Variants in FBH1 observed in about 807,000 individuals in gnomAD.
FBH1 encodes the protein DNA 3'-5' helicase 1.
In FBH1, 43 loss-of-function variants were observed where a neutral mutation model predicts 115.5. That is an observed-to-expected ratio of 0.37 (90% CI 0.29 to 0.48). The LOEUF is 0.48. Among genes scored for constraint, FBH1 ranks in the 20% least tolerant of loss-of-function variants. The pLI is 0.99. For missense variants in FBH1, 1,001 were observed against 1,337.3 expected, an observed-to-expected ratio of 0.75 and a Z score of 3.92; for synonymous variants, 524 against 507.8, an observed-to-expected ratio of 1.03 and a Z score of -0.43.
At chr10:5,927,396 G>A (rs1832718492) in intron 18 of FBH1, 39 bp from the exon 19 acceptor site, 1 of 1,479,648 alleles carries the variant, frequency 6.8e-7, no homozygotes, top group Non-Finnish European at 9.3e-7. Context: ...GCTTTTCTAA[G>A]GCTTTTTAGT....
At chr10:5,903,290 G>T in intron 2 of FBH1, 115 bp downstream of exon 2, 2 of 716,482 alleles carry the variant, frequency 2.8e-6, no homozygotes, top group East Asian at 3.2e-5. Flanking sequence ...TAGTCTTCAT[G>T]CAATAGCTTG....
chr10:5,890,719 C>T (rs1021479040), intron 1 of FBH1, among the ~76,000 whole-genome samples: 5 of 152,184 alleles, frequency 3.3e-5, no homozygotes, highest in Admixed American at 6.5e-5. Flanking sequence ...ACGTTTTGAC[C>T]TTGGGCAAGT....
Position 5,937,219 on chromosome 10 carries a change from A to G in FBH1, c.3071A>G (p.Glu1024Gly), listed in dbSNP as rs1164517116. 1.2e-6 allele frequency: 2 copies of G among 1,613,700 alleles called. No individual in the cohort carries two copies. The highest frequency in any genetic ancestry group is 1.3e-5 in the African/African-American group (1 of 74,940). The change falls in exon 21 of 21, where the codon GAG (glutamate) becomes GGG (glycine). Residue 1024 changes from glutamate (E) to glycine (G), a missense_variant. By Grantham distance (98) the Glu-to-Gly change is moderately conservative (BLOSUM62 -2). Around this residue, in one of 4 missense-constraint regions of FBH1, gnomAD observed 521 missense variants for 811.0 expected, o/e 0.64. Coordinates refer to ENST00000362091, the MANE Select transcript of FBH1 (RefSeq NM_178150.3). ...TASPEQVRAM[E>G]RTVENIVLPR... ...TCCCCGGAGCAGGTGCGCGCCATGG[A>G]GCGCACTGTGGAGAACATCGTACTG...
chr10:5,914,510 G>A lies in FBH1; in HGVS notation c.1396+241G>A, dbSNP rs541737074. ...GGTAGTTCACAGCAGTTAGTTGGTC[G>A]GGCAGATGCCCCCGGGATTGAGCCC... is the stretch of plus-strand genomic sequence containing the variant. On this transcript the variant is annotated intron_variant, in intron 8 of 20. Coordinates refer to ENST00000362091, the MANE Select transcript of FBH1 (RefSeq NM_178150.3). The surrounding 1 kb of genome is among the most constrained non-coding windows in gnomAD (Gnocchi z 5.2). Among the ~76,000 whole-genome samples, 4 of 152,200 alleles carry A rather than the reference G, an allele frequency of 2.6e-5. No homozygotes were observed. Among genetic ancestry groups the A allele is most frequent in the Admixed American group, 6.5e-5 (1 of 15,286 alleles).
rs1782633116 is a variant in FBH1, at chr10:5,923,888, T to C, written c.2398+192T>C. On this transcript the variant is annotated intron_variant, in intron 16 of 20. Transcript: ENST00000362091. This position sits in a 1 kb window ranked among gnomAD's most constrained non-coding sequence, Gnocchi z 5.7. ...ATAGGTACTGACAGATTTTTCCAGA[T>C]CCTCCTCACAGGAGCCTCAGTCTCT... is the stretch of plus-strand genomic sequence containing the variant. The C allele has an allele frequency of 1.7e-6, 1 of 595,874 alleles. No homozygotes were observed. 36.9% of individuals were successfully genotyped at this position (595,874 alleles called of 1,614,324 possible).
In FBH1 at chr10:5,897,370, A is replaced by AGAGGAGGTGGACACAGGGCTCCTGTG. The variant is rs1843071440; in HGVS notation, c.2-5626_2-5625insTGGAGGAGGTGGACACAGGGCTCCTG. 4.6e-5 allele frequency among the ~76,000 whole-genome samples: 7 copies of AGAGGAGGTGGACACAGGGCTCCTGTG among 152,130 alleles called. No homozygotes were observed. Among genetic ancestry groups the AGAGGAGGTGGACACAGGGCTCCTGTG allele is most frequent in the South Asian group, 2.1e-4 (1 of 4,824 alleles). On this transcript the variant is annotated intron_variant, in intron 1 of 20. Coordinates refer to ENST00000362091, the MANE Select transcript of FBH1 (RefSeq NM_178150.3). This position sits in a 1 kb window ranked among gnomAD's most constrained non-coding sequence, Gnocchi z 4.7. ...CATTAAGTGTAAAGCGTGTAATTGC[A>AGAGGAGGTGGACACAGGGCTCCTGTG]GAGGAGGTGGACACAGGGCTCCTGC...
chr10:5,913,796 A>G lies in FBH1; in HGVS notation c.1261A>G (p.Thr421Ala), dbSNP rs1831756554. ...CCTATATCTTCAGGAGAATTCCTGC[A>G]CTCAGGCCACAAAAGTTAAAGAGGA... ...YCLYLQENSC[T>A]QATKVKEEPS... Residue 421 changes from threonine (T) to alanine (A), a missense_variant, in exon 7 of 21, where the codon ACT (threonine) becomes GCT (alanine). Thr to Ala is a moderately conservative substitution (Grantham distance 58). Coordinates refer to ENST00000362091, the MANE Select transcript of FBH1 (RefSeq NM_178150.3). The surrounding 1 kb of genome is among the most constrained non-coding windows in gnomAD (Gnocchi z 4.4). 6.3e-7 allele frequency: 1 copy of G among 1,594,660 alleles called. No individual in the cohort carries two copies. Among genetic ancestry groups the G allele is most frequent in the East Asian group, 2.3e-5 (1 of 44,322 alleles).
In FBH1 at chr10:5,906,430, C is replaced by T; in HGVS notation, c.551C>T (p.Ala184Val). 1 of 1,614,188 alleles carries T rather than the reference C, an allele frequency of 6.2e-7. No individual in the cohort carries two copies. Among genetic ancestry groups the T allele is most frequent in the African/African-American group, 1.3e-5 (1 of 75,070 alleles). ...GAGTCTGGTGAAACCGACCAAGATGCTGGGGACGTGGGTCCTGATCCCATT... is the reference window on the plus strand; with the variant it reads ...GAGTCTGGTGAAACCGACCAAGATGTTGGGGACGTGGGTCCTGATCCCATT... ...SAESGETDQD[A>V]GDVGPDPIPD... Residue 184 changes from alanine to valine, a missense_variant, in exon 3 of 21, where the codon GCT becomes GTT. Physicochemically the swap from Ala to Val is moderately conservative, Grantham distance 64. Transcript: ENST00000362091. This position sits in a 1 kb window ranked among gnomAD's most constrained non-coding sequence, Gnocchi z 7.3.
In FBH1 at chr10:5,923,338, G is replaced by A. The variant is rs1355944064; in HGVS notation, c.2323-283G>A. Among the ~76,000 whole-genome samples the A allele has an allele frequency of 1.3e-5, 2 of 152,186 alleles. No homozygotes were observed. The highest frequency in any genetic ancestry group is 2.1e-4 in the South Asian group (1 of 4,822). On this transcript the variant is annotated intron_variant, in intron 15 of 20. Transcript: ENST00000362091. The surrounding 1 kb of genome is among the most constrained non-coding windows in gnomAD (Gnocchi z 5.7). ...AAAGCAGTATGCAGCTGTAGGTCTT[G>A]CCCTTTTTAAAAGCGTAGGAAGAGT...
In FBH1 at chr10:5,911,431, A is replaced by C. The variant is rs1831584109; in HGVS notation, c.1211+303A>C. Among the ~76,000 whole-genome samples, 1 of 152,132 alleles carries C rather than the reference A, an allele frequency of 6.6e-6. No individual in the cohort carries two copies. Among genetic ancestry groups the C allele is most frequent in the Non-Finnish European group, 1.5e-5 (1 of 68,024 alleles). On this transcript the variant is annotated intron_variant, in intron 6 of 20. Coordinates refer to ENST00000362091, the MANE Select transcript of FBH1 (RefSeq NM_178150.3). This position sits in a 1 kb window ranked among gnomAD's most constrained non-coding sequence, Gnocchi z 5.4. ...TCGCCAAGAGAAGCCTTTCTTATTC[A>C]CCCGTGGCCTCGCTTCCCTAGGAAA...
In FBH1 at chr10:5,937,518, A is replaced by T. The variant is rs935082843; in HGVS notation, c.*238A>T. 14 of 3,494 alleles carry T rather than the reference A, an allele frequency of 4.0e-3. No individual in the cohort carries two copies. Among genetic ancestry groups the T allele is most frequent in the Non-Finnish European group, 8.6e-3 (11 of 1,278 alleles). 0.2% of individuals were successfully genotyped at this position (3,494 alleles called of 1,614,324 possible). On this transcript the variant is annotated 3_prime_UTR_variant, in exon 21 of 21. Coordinates refer to ENST00000362091, the MANE Select transcript of FBH1 (RefSeq NM_178150.3). ...GGGAAGTGGGGGATGTTCTTTTGAT[A>T]AAAAAAAAAAAAAAAATTTATGTAT... is the stretch of plus-strand genomic sequence containing the variant.
intron 3 of FBH1, among the ~76,000 whole-genome samples, chr10:5,907,686 A>G (rs1361461359): frequency 2.6e-5 from 4 of 151,988 alleles, no homozygotes; most frequent in African/African-American, 9.7e-5. Context: ...GTAATCCAGG[A>G]TGGTCTCAAA....
chr10:5,903,304 C>CT, intron 2 of FBH1, 129 bp downstream of exon 2: 1 of 554,752 alleles, frequency 1.8e-6, no homozygotes. Context: ...TAGCTTGACA[C>CT]TTTTTTTATT....
chr10:5,896,255 G>C (rs1371515345), intron 1 of FBH1, among the ~76,000 whole-genome samples: 1 of 152,156 alleles, frequency 6.6e-6, no homozygotes, highest in African/African-American at 2.4e-5. Context: ...GAGTGGGTCA[G>C]AGTGGGCTGG....
At position 5,932,891 on chromosome 10, in the gene FBH1, A is replaced by G. The variant is rs2132127670; in HGVS notation, c.2830-3565A>G. On this transcript the variant is annotated intron_variant, in intron 19 of 20. Coordinates refer to ENST00000362091, the MANE Select transcript of FBH1 (RefSeq NM_178150.3). The surrounding 1 kb of genome is among the most constrained non-coding windows in gnomAD (Gnocchi z 5.9). ...TGCCACCACACCTGGCTAATTCTGT[A>G]TTTTTTGTAGAGACGGGGTTTTGTC... 6.6e-6 allele frequency among the ~76,000 whole-genome samples: 1 copy of G among 151,868 alleles called. No homozygotes were observed.
chr10:5,891,881 G>A (rs958110609), intron 1 of FBH1, among the ~76,000 whole-genome samples: 1 of 152,178 alleles, frequency 6.6e-6, no homozygotes, highest in Admixed American at 6.5e-5. Context: ...CCAAATGCTG[G>A]GATTACAGGC....
At chr10:5,891,459 A>C (rs574824425) in intron 1 of FBH1, among the ~76,000 whole-genome samples, 3 of 152,138 alleles carry the variant, frequency 2.0e-5, no homozygotes, top group Non-Finnish European at 1.5e-5. Flanking sequence ...AGTTAGTGCA[A>C]ATTGGAAGTT....
intron 1 of FBH1, among the ~76,000 whole-genome samples, chr10:5,902,201 G>A (rs1281499395): frequency 3.9e-5 from 6 of 151,970 alleles, no homozygotes; most frequent in South Asian, 4.1e-4. Context: ...CAAGGGGCTC[G>A]GGGGGCTGAG....
chr10:5,890,646 G>C (rs1842653697), intron 1 of FBH1, among the ~76,000 whole-genome samples: 1 of 152,134 alleles, frequency 6.6e-6, no homozygotes, highest in Admixed American at 6.5e-5. Flanking sequence ...CCTCGGGGCT[G>C]AAGGGGCAAG....
Sources: allele counts gnomAD v4.1 joint callset (sites outside exome capture counted in the v4.1 genomes callset), GRCh38; gene constraint gnomAD v4.1.1; regional missense constraint gnomAD v4.1.1; non-coding constraint Gnocchi (gnomAD v3.1); transcripts MANE v1.5; gene names NCBI Gene and HGNC (gene_info 2026-07-23, HGNC 2026-07-21).